The following SRD5A1 variants were observed in gnomAD, a reference collection of about 807,000 sequenced individuals.
SRD5A1 encodes the protein steroid 5 alpha-reductase 1, also known as 3-oxo-5-alpha-steroid 4-dehydrogenase 1.
A neutral mutation model predicts 28.2 loss-of-function variants in SRD5A1; 22 were observed. That is an observed-to-expected ratio of 0.78 (90% confidence interval 0.56 to 1.12). The LOEUF (loss-of-function observed/expected upper bound fraction) is 1.12, where lower values mean the gene tolerates loss of function less well. SRD5A1 is among the 50% of genes most tolerant of loss of function. SRD5A1 has a pLI of 0.00. For synonymous variants in SRD5A1, 151 were observed against 135.0 expected (o/e 1.12, Z -0.82); for missense variants, 300 against 346.7 (o/e 0.87, Z 1.07).
At chr5:6,657,093 G>C (rs955713421) in intron 3 of SRD5A1, among the ~76,000 whole-genome samples, 2 of 152,210 alleles carry the variant, frequency 1.3e-5, no homozygotes, top group African/African-American at 4.8e-5. Flanking sequence ...AACTTTAATG[G>C]AGAAAGGGCG....
At chr5:6,643,035 G>GT (rs35377021) in intron 1 of SRD5A1, among the ~76,000 whole-genome samples, 77,873 of 149,580 alleles carry the variant, frequency 0.52, 20,300 homozygotes, top group African/African-American at 0.57. Flanking sequence ...TTTGTAATTT[G>GT]TTTTTTTTTT....
chr5:6,663,117 T>C, intron 4 of SRD5A1, 151 bp downstream of exon 4: 1 of 927,136 alleles, frequency 1.1e-6, no homozygotes, highest in Non-Finnish European at 1.6e-6. Context: ...CAAATAGCTG[T>C]AGAATCACCC....
intron 3 of SRD5A1, among the ~76,000 whole-genome samples, chr5:6,659,623 A>G (rs1247526581): frequency 1.3e-5 from 2 of 152,188 alleles, no homozygotes; most frequent in Non-Finnish European, 2.9e-5. Context: ...CCTATACCGG[A>G]GGAAGTGGAC....
chr5:6,659,347 T>C (rs2126546927), intron 3 of SRD5A1, among the ~76,000 whole-genome samples: 1 of 152,056 alleles, frequency 6.6e-6, no homozygotes, highest in South Asian at 2.1e-4. Context: ...TCTCCTGACC[T>C]CGTGATCCGC....
chr5:6,636,866 G>C (rs1448572854), intron 1 of SRD5A1, among the ~76,000 whole-genome samples: 1 of 152,138 alleles, frequency 6.6e-6, no homozygotes, highest in Non-Finnish European at 1.5e-5. Flanking sequence ...GAATCTATGG[G>C]GTCTTTTGGA....
chr5:6,659,018 G>A (rs561385067), intron 3 of SRD5A1, among the ~76,000 whole-genome samples: 207 of 152,130 alleles, frequency 1.4e-3, no homozygotes, highest in South Asian at 5.2e-3. Flanking sequence ...TCAGGAAGCT[G>A]AGGTGGGAGG....
At chr5:6,637,359 T>C (rs1738216337) in intron 1 of SRD5A1, among the ~76,000 whole-genome samples, 1 of 148,274 alleles carries the variant, frequency 6.7e-6, no homozygotes, top group Admixed American at 6.6e-5. Flanking sequence ...TCATCATCTG[T>C]GTTGGTTCTT....
chr5:6,634,019 C>T lies in SRD5A1; in HGVS notation c.293+150C>T, dbSNP rs1011093365. 5 of 807,260 alleles carry T rather than the reference C, an allele frequency of 6.2e-6. No homozygotes were observed. In the South Asian group the frequency reaches 8.5e-5, roughly 14 times the overall value. 50.0% of individuals were successfully genotyped at this position (807,260 alleles called of 1,614,324 possible). A position where few individuals can be genotyped will look rare whatever the true frequency, so the allele number is the denominator to read the frequency against. Reference sequence around the variant, plus strand: ...TCCCCCGGGGCGTCCCCCATCTGCACGGGTGCCCTTCCCCGAGTCCCCCGG... The same window carrying T: ...TCCCCCGGGGCGTCCCCCATCTGCATGGGTGCCCTTCCCCGAGTCCCCCGG... On this transcript the variant is annotated intron_variant, in intron 1 of 4. Coordinates refer to ENST00000274192, the MANE Select transcript of SRD5A1 (RefSeq NM_001047.4).
Position 6,662,944 on chromosome 5 carries a change from G to A in SRD5A1, c.691G>A (p.Gly231Ser), listed in dbSNP as rs768788238. The A allele has an allele frequency of 2.5e-6, 4 of 1,614,098 alleles. No individual in the cohort carries two copies. The Admixed American group carries it at 6.7e-5, about 27-fold the overall frequency. The change falls in exon 4 of 5, where the codon GGT (glycine) becomes AGT (serine). Residue 231 changes from glycine to serine, a missense_variant. By Grantham distance (56) the Gly-to-Ser change is moderately conservative. Coordinates refer to ENST00000274192, the MANE Select transcript of SRD5A1 (RefSeq NM_001047.4). ...TTTCTTCACGTTTTGTTTTTTATCT[G>A]GTAGAGCAAAAGAGCATCATGAGTA... Reference protein sequence around the residue: ...FAFFTFCFLSGRAKEHHEWYL... With the variant: ...FAFFTFCFLSSRAKEHHEWYL...
chr5:6,660,007 G>A (rs943966253), intron 3 of SRD5A1, among the ~76,000 whole-genome samples: 7 of 152,138 alleles, frequency 4.6e-5, no homozygotes, highest in African/African-American at 1.7e-4. Context: ...GAAACGCTTC[G>A]CAGGACTCTG....
intron 3 of SRD5A1, among the ~76,000 whole-genome samples, chr5:6,658,413 A>G (rs1014099883): frequency 4.6e-5 from 7 of 152,368 alleles, no homozygotes; most frequent in Admixed American, 4.6e-4. Context: ...CCCGCAATCT[A>G]CAAACTTATT....
intron 1 of SRD5A1, among the ~76,000 whole-genome samples, chr5:6,634,313 C>G (rs936698262): frequency 2.6e-5 from 4 of 151,050 alleles, no homozygotes; most frequent in African/African-American, 9.8e-5. Context: ...GGTGACAGAG[C>G]GAGACTCTGT....
chr5:6,661,628 G>T (rs979243356), intron 3 of SRD5A1, among the ~76,000 whole-genome samples: 5 of 151,132 alleles, frequency 3.3e-5, no homozygotes, highest in African/African-American at 1.2e-4. Flanking sequence ...TGCCTCCTGG[G>T]TTCAAGCGAT....
chr5:6,649,743 C>T (rs1200214025), intron 1 of SRD5A1, among the ~76,000 whole-genome samples: 3 of 152,212 alleles, frequency 2.0e-5, no homozygotes, highest in South Asian at 2.1e-4. Flanking sequence ...CCTGCTTCGG[C>T]TCGCCCTCCG....
At chr5:6,657,467 C>A (rs924537601) in intron 3 of SRD5A1, among the ~76,000 whole-genome samples, 1 of 152,232 alleles carries the variant, frequency 6.6e-6, no homozygotes, top group Non-Finnish European at 1.5e-5. Flanking sequence ...TGGTGGCCCC[C>A]TCGCTTCCTG....
At chr5:6,638,953 A>T (rs1345876945) in intron 1 of SRD5A1, among the ~76,000 whole-genome samples, 1 of 152,244 alleles carries the variant, frequency 6.6e-6, no homozygotes, top group Non-Finnish European at 1.5e-5. Flanking sequence ...AACATTTAAA[A>T]ATTATTAAAT....
chr5:6,639,042 G>A (rs1363356095), intron 1 of SRD5A1, among the ~76,000 whole-genome samples: 1 of 152,154 alleles, frequency 6.6e-6, no homozygotes, highest in African/African-American at 2.4e-5. Context: ...AACATTATAG[G>A]TTGTCCTGAA....
chr5:6,649,361 G>T (rs550676874), intron 1 of SRD5A1, among the ~76,000 whole-genome samples: 2 of 152,198 alleles, frequency 1.3e-5, no homozygotes, highest in Non-Finnish European at 2.9e-5. Context: ...AGGGAGCTGC[G>T]GTTGGCTCTG....
At chr5:6,646,375 G>A (rs1449097904) in intron 1 of SRD5A1, among the ~76,000 whole-genome samples, 1 of 152,112 alleles carries the variant, frequency 6.6e-6, no homozygotes, top group Non-Finnish European at 1.5e-5. Context: ...CGGGATTGCT[G>A]GGGCAAATGG....
Sources: gnomAD v4.1 joint callset for allele counts (sites outside exome capture counted in the v4.1 genomes callset) on GRCh38, gnomAD v4.1.1 for gene constraint, MANE v1.5 for transcripts, NCBI Gene and HGNC (gene_info 2026-07-23, HGNC 2026-07-21) for gene names.